The following RFX7 variants were observed in gnomAD, a reference collection of about 807,000 sequenced individuals.
RFX7 encodes the protein DNA-binding protein RFX7.
RFX7 carries 26 observed loss-of-function variants against 111.8 expected under a neutral mutation model. The observed-to-expected ratio is 0.23, with a 90% CI of 0.17 to 0.32. The LOEUF is 0.32. Ranked by LOEUF, RFX7 falls within the 10% of genes least tolerant of loss-of-function variation. RFX7 has a pLI of 1.00. For missense variants in RFX7, 1,573 were observed against 1,772.9 expected (o/e 0.89, Z 2.02); for synonymous variants, 624 against 624.4 (o/e 1.00, Z 0.01).
At chr15:56,237,017 G>A (rs1298540488) in intron 2 of RFX7, among the ~76,000 whole-genome samples, 2 of 151,824 alleles carry the variant, frequency 1.3e-5, no homozygotes, top group East Asian at 2.0e-4. Context: ...AGGAAACACT[G>A]ACAAATCCTA....
intron 5 of RFX7, among the ~76,000 whole-genome samples, chr15:56,121,024 C>G (rs1354796431): frequency 6.6e-6 from 1 of 152,144 alleles, no homozygotes; most frequent in Non-Finnish European, 1.5e-5. Flanking sequence ...AGTTTACACA[C>G]CACAATTACA....
In RFX7 at chr15:56,088,094, T is replaced by A. The variant is rs572057808; in HGVS notation, c.*5251A>T. On this transcript the variant is annotated 3_prime_UTR_variant, in exon 10 of 10. Transcript: ENST00000559447. ...AAAATGAAAAAGAATTGTTGACATA[T>A]AAGGATGGGAGGTTAAATAAAGAAC... The A allele has an allele frequency of 4.6e-6, 1 of 217,482 alleles. No individual in the cohort carries two copies. The highest frequency in any genetic ancestry group is 9.6e-6 in the Non-Finnish European group (1 of 104,296). The allele number at this position is 217,482 out of a possible 1,614,324, so 13.5% of individuals were successfully genotyped here.
chr15:56,183,573 C>T (rs1389031798), intron 2 of RFX7, among the ~76,000 whole-genome samples: 1 of 152,146 alleles, frequency 6.6e-6, no homozygotes, highest in Non-Finnish European at 1.5e-5. Flanking sequence ...TATTAATCTA[C>T]TCACCTATCC....
At chr15:56,114,423 A>AC (rs2041979823) in intron 5 of RFX7, among the ~76,000 whole-genome samples, 1 of 150,202 alleles carries the variant, frequency 6.7e-6, no homozygotes, top group Non-Finnish European at 1.5e-5. Flanking sequence ...AAAAAAAAAA[A>AC]AAAACAAACA....
chr15:56,122,001 C>G (rs529332410), intron 5 of RFX7, among the ~76,000 whole-genome samples: 9 of 152,316 alleles, frequency 5.9e-5, no homozygotes, highest in African/African-American at 1.9e-4. Flanking sequence ...ATCTCTGTCT[C>G]TCCAGGATTG....
chr15:56,159,757 A>G (rs1298957106), intron 3 of RFX7, among the ~76,000 whole-genome samples: 3 of 152,196 alleles, frequency 2.0e-5, no homozygotes, highest in African/African-American at 2.4e-5. Flanking sequence ...TGAACTGTCA[A>G]TACATACCAG....
intron 2 of RFX7, among the ~76,000 whole-genome samples, chr15:56,202,826 A>T (rs1008291135): frequency 3.9e-5 from 6 of 152,182 alleles, no homozygotes; most frequent in Non-Finnish European, 8.8e-5. Context: ...AAAGAAAAAG[A>T]AAGTATAATG....
intron 2 of RFX7, among the ~76,000 whole-genome samples, chr15:56,241,436 A>G (rs2043687982): frequency 6.6e-6 from 1 of 152,208 alleles, no homozygotes; most frequent in African/African-American, 2.4e-5. Context: ...ATTAAAATAT[A>G]CATTACTCAT....
intron 2 of RFX7, among the ~76,000 whole-genome samples, chr15:56,206,788 T>A (rs2043257409): frequency 7.5e-6 from 1 of 133,630 alleles, no homozygotes; most frequent in Non-Finnish European, 1.5e-5. Context: ...TTGTGGAAGG[T>A]AAAAATTAAA....
chr15:56,207,269 G>T (rs753523932), intron 2 of RFX7, among the ~76,000 whole-genome samples: 34 of 152,138 alleles, frequency 2.2e-4, no homozygotes, highest in Non-Finnish European at 3.8e-4. Context: ...TCAGAGACTA[G>T]AAGGAGGAGG....
intron 2 of RFX7, among the ~76,000 whole-genome samples, chr15:56,188,016 A>C (rs2043059938): frequency 2.6e-5 from 4 of 152,386 alleles, no homozygotes; most frequent in Admixed American, 2.6e-4. Context: ...CAGAATTAGC[A>C]GACAAGGACT....
At chr15:56,220,462 C>T (rs969122393) in intron 2 of RFX7, among the ~76,000 whole-genome samples, 3 of 151,842 alleles carry the variant, frequency 2.0e-5, no homozygotes, top group African/African-American at 4.8e-5. Flanking sequence ...GAACTCCTGA[C>T]GTCAGGTGAT....
chr15:56,152,850 G>A (rs2042593465), intron 3 of RFX7, among the ~76,000 whole-genome samples: 1 of 149,298 alleles, frequency 6.7e-6, no homozygotes, highest in African/African-American at 2.5e-5. Context: ...GAGTCAAATA[G>A]ACACAATAAA....
Position 56,111,808 on chromosome 15 carries a change from T to C in RFX7, c.402-8138A>G, listed in dbSNP as rs76070270. On this transcript the variant is annotated intron_variant, in intron 5 of 9. Coordinates refer to ENST00000559447, the MANE Select transcript of RFX7 (RefSeq NM_022841.7). ...CTAAAAGTTCTCCAGGTATTTCTCA[T>C]GTGCAACCAGGATTAAGAATCACTA... Among the ~76,000 whole-genome samples, 701 of 152,244 alleles carry C rather than the reference T, an allele frequency of 4.6e-3. 12 individuals carry two copies. The highest frequency in any genetic ancestry group is 0.016 in the African/African-American group (684 of 41,554).
In RFX7 at chr15:56,097,296, C is replaced by T. The variant is rs191919999; in HGVS notation, c.1108-676G>A. Among the ~76,000 whole-genome samples, 375 of 152,172 alleles carry T rather than the reference C, an allele frequency of 2.5e-3. 1 individual carries two copies. Among genetic ancestry groups the T allele is most frequent in the Middle Eastern group, 6.8e-3 (2 of 294 alleles). On this transcript the variant is annotated intron_variant, in intron 9 of 9. Transcript: ENST00000559447. Reference sequence around the variant, plus strand: ...AAGGAGGAGACTGTTTCCTTATCTACAAATAGAGGTTAATAAACTAGCTAA... The same window carrying T: ...AAGGAGGAGACTGTTTCCTTATCTATAAATAGAGGTTAATAAACTAGCTAA...
rs1348515439 is a variant in RFX7, at chr15:56,111,677, A to C, written c.402-8007T>G. ...TAAATAAACCAAAAAAAAAAAAAAA[A>C]AAACCAAAAAAACAATACCAGGGCA... On this transcript the variant is annotated intron_variant, in intron 5 of 9. Coordinates refer to ENST00000559447, the MANE Select transcript of RFX7 (RefSeq NM_022841.7). Among the ~76,000 whole-genome samples the C allele has an allele frequency of 5.3e-5, 8 of 151,098 alleles. No homozygotes were observed. In the South Asian group the frequency reaches 6.2e-4, roughly 12 times the overall value.
chr15:56,162,572 C>T (rs1327693147), intron 3 of RFX7, among the ~76,000 whole-genome samples: 3 of 151,490 alleles, frequency 2.0e-5, no homozygotes, highest in African/African-American at 7.3e-5. Flanking sequence ...TCATGAAACA[C>T]AAAAGTTACC....
At chr15:56,132,059 C>A (rs2042225369) in intron 5 of RFX7, among the ~76,000 whole-genome samples, 2 of 151,184 alleles carry the variant, frequency 1.3e-5, no homozygotes, top group African/African-American at 4.9e-5. Flanking sequence ...AATAAGTGAA[C>A]TTAATTGAGG....
chr15:56,201,013 G>A (rs566635419), intron 2 of RFX7, among the ~76,000 whole-genome samples: 24 of 152,118 alleles, frequency 1.6e-4, no homozygotes, highest in African/African-American at 5.3e-4. Flanking sequence ...AACCAAAATG[G>A]AAATGGTTTA....
Sources: gnomAD v4.1 joint callset for allele counts (sites outside exome capture counted in the v4.1 genomes callset) on GRCh38, gnomAD v4.1.1 for gene constraint, MANE v1.5 for transcripts, NCBI Gene and HGNC (gene_info 2026-07-23, HGNC 2026-07-21) for gene names.